SRPK2: variants seen among roughly 807,000 people sequenced by gnomAD.
The protein encoded by SRPK2 is SRSF protein kinase 2.
In SRPK2, 21 loss-of-function variants were observed where a neutral mutation model predicts 90.8. That is an observed-to-expected ratio of 0.23 (90% CI 0.16 to 0.33). The LOEUF (loss-of-function observed/expected upper bound fraction) is 0.33. Among genes scored for constraint, SRPK2 ranks in the 10% least tolerant of loss-of-function variants. The pLI is 1.00. For missense variants in SRPK2, 620 were observed against 869.0 expected, an observed-to-expected ratio of 0.71 and a Z score of 3.60; for synonymous variants, 288 against 311.1, an observed-to-expected ratio of 0.93 and a Z score of 0.78.
At chr7:105,151,587 G>C (rs1345620348) in intron 7 of SRPK2, among the ~76,000 whole-genome samples, 1 of 152,196 alleles carries the variant, frequency 6.6e-6, no homozygotes, top group Non-Finnish European at 1.5e-5. Context: ...CCAGGCTGGA[G>C]TGCAGTGGCT....
chr7:105,364,047 TG>T (rs978454375), intron 2 of SRPK2, among the ~76,000 whole-genome samples: 3 of 128,118 alleles, frequency 2.3e-5, no homozygotes, highest in African/African-American at 9.0e-5. Context: ...GGTGGGGGGC[TG>T]GGAGAGGGAT....
chr7:105,192,128 T>G (rs1585121079), intron 3 of SRPK2, among the ~76,000 whole-genome samples: 1 of 151,318 alleles, frequency 6.6e-6, no homozygotes, highest in Admixed American at 6.6e-5. Flanking sequence ...TCTTTAGTGG[T>G]GATTTGTGAG....
intron 11 of SRPK2, among the ~76,000 whole-genome samples, chr7:105,136,929 G>A (rs778079703): frequency 1.3e-5 from 2 of 152,146 alleles, no homozygotes; most frequent in African/African-American, 4.8e-5. Flanking sequence ...TAGGAAACTC[G>A]TGTACTGGTT....
intron 13 of SRPK2, among the ~76,000 whole-genome samples, chr7:105,129,883 T>G (rs1309228304): frequency 6.6e-6 from 1 of 152,152 alleles, no homozygotes; most frequent in Non-Finnish European, 1.5e-5. Context: ...ATGTGACCAG[T>G]GCCGAAGAAG....
chr7:105,240,989 T>C (rs1800743177), intron 2 of SRPK2, among the ~76,000 whole-genome samples: 2 of 152,076 alleles, frequency 1.3e-5, no homozygotes, highest in Admixed American at 1.3e-4. Flanking sequence ...TTTTACAAAA[T>C]TGGAGGGAAG....
intron 3 of SRPK2, among the ~76,000 whole-genome samples, chr7:105,187,781 G>GA (rs1391547772): frequency 2.0e-5 from 3 of 152,136 alleles, no homozygotes; most frequent in Admixed American, 6.6e-5. Context: ...GTAGTAAGCA[G>GA]AGCTGAAGAG....
chr7:105,289,882 C>T (rs2130993791), intron 2 of SRPK2, among the ~76,000 whole-genome samples: 1 of 152,246 alleles, frequency 6.6e-6, no homozygotes, highest in Admixed American at 6.5e-5. Context: ...TGTAACTCTT[C>T]CTTTCACTTA....
chr7:105,379,653 T>C (rs911504734), intron 2 of SRPK2, among the ~76,000 whole-genome samples: 8 of 152,084 alleles, frequency 5.3e-5, no homozygotes, highest in African/African-American at 1.2e-4. Flanking sequence ...TATAAATAAA[T>C]GTAAAAAAAA....
rs973419961 is a variant in SRPK2, at chr7:105,204,586, T to C, written c.72-801A>G. The C allele has an allele frequency of 9.8e-6, 5 of 510,794 alleles. No individual in the cohort carries two copies. In the East Asian group the frequency reaches 1.8e-4, roughly 19 times the overall value. 31.6% of individuals were successfully genotyped at this position (510,794 alleles called of 1,614,324 possible). A position where few individuals can be genotyped will look rare whatever the true frequency, so the allele number is the denominator to read the frequency against. ...TCCCACTAATAAAACTACCACTGAA[T>C]GCGTGCGCTGAAGATGACGGCTGCT... On this transcript the variant is annotated intron_variant, in intron 2 of 15. Coordinates refer to ENST00000393651, the MANE Select transcript of SRPK2 (RefSeq NM_182692.3).
intron 2 of SRPK2, among the ~76,000 whole-genome samples, chr7:105,205,788 A>C (rs1277786229): frequency 6.6e-6 from 1 of 152,180 alleles, no homozygotes; most frequent in Non-Finnish European, 1.5e-5. Flanking sequence ...GATGACGTCC[A>C]AAAGAAGCAC....
At chr7:105,183,204 G>C (rs1170796632) in intron 3 of SRPK2, among the ~76,000 whole-genome samples, 1 of 152,112 alleles carries the variant, frequency 6.6e-6, no homozygotes, top group Non-Finnish European at 1.5e-5. Flanking sequence ...CTATAAGTTT[G>C]TAGCTGTGTA....
intron 6 of SRPK2, among the ~76,000 whole-genome samples, chr7:105,164,898 A>C (rs1244761485): frequency 2.0e-5 from 3 of 152,216 alleles, no homozygotes; most frequent in African/African-American, 4.8e-5. Context: ...GAAAGAAGCC[A>C]GAAGACCACA....
chr7:105,329,722 A>G (rs1027921303), intron 2 of SRPK2, among the ~76,000 whole-genome samples: 1 of 152,086 alleles, frequency 6.6e-6, no homozygotes, highest in Non-Finnish European at 1.5e-5. Context: ...AAACAGAAGA[A>G]AGGGCTCATC....
intron 2 of SRPK2, among the ~76,000 whole-genome samples, chr7:105,331,029 C>T (rs146160690): frequency 2.6e-5 from 4 of 151,990 alleles, no homozygotes; most frequent in Admixed American, 2.0e-4. Flanking sequence ...AGGCCGGGCA[C>T]GATGGCTCAC....
chr7:105,310,507 G>A (rs1038017153), intron 2 of SRPK2, among the ~76,000 whole-genome samples: 2 of 152,142 alleles, frequency 1.3e-5, no homozygotes, highest in Admixed American at 6.5e-5. Context: ...AGCAGGGCAT[G>A]GTGGCACACT....
intron 10 of SRPK2, 24 bp downstream of exon 10, chr7:105,143,060 G>A: frequency 1.2e-6 from 2 of 1,607,446 alleles, no homozygotes; most frequent in South Asian, 2.2e-5. Flanking sequence ...ACCCCATGCA[G>A]CCCAGGTTCC....
intron 7 of SRPK2, among the ~76,000 whole-genome samples, chr7:105,152,435 C>G (rs1805836328): frequency 6.6e-6 from 1 of 152,150 alleles, no homozygotes; most frequent in South Asian, 2.1e-4. Flanking sequence ...CAGGCGTGAG[C>G]CACCATGCCT....
intron 2 of SRPK2, among the ~76,000 whole-genome samples, chr7:105,296,823 A>G (rs1472261592): frequency 6.6e-6 from 1 of 152,180 alleles, no homozygotes; most frequent in Admixed American, 6.5e-5. Flanking sequence ...TCCATGGAGT[A>G]GACACTGTCA....
intron 2 of SRPK2, among the ~76,000 whole-genome samples, chr7:105,248,266 A>G (rs1801985170): frequency 6.6e-6 from 1 of 152,118 alleles, no homozygotes; most frequent in Non-Finnish European, 1.5e-5. Context: ...CCAGTATCCT[A>G]GCCTAAGAAA....
Sources: allele counts gnomAD v4.1 joint callset (sites outside exome capture counted in the v4.1 genomes callset), GRCh38; gene constraint gnomAD v4.1.1; transcripts MANE v1.5; gene names NCBI Gene and HGNC (gene_info 2026-07-23, HGNC 2026-07-21).